The following UTP18 variants were observed in gnomAD, a reference collection of about 807,000 sequenced individuals.
UTP18 encodes the protein UTP18 small subunit processome component.
In UTP18, 36 loss-of-function variants were observed where a neutral mutation model predicts 61.1. The observed-to-expected ratio is 0.59, with a 90% CI of 0.45 to 0.78. The LOEUF (loss-of-function observed/expected upper bound fraction) is 0.78, where lower values mean the gene tolerates loss of function less well. Ranked by LOEUF, UTP18 falls within the 30% of genes least tolerant of loss-of-function variation. The pLI, the probability that UTP18 is intolerant of heterozygous loss-of-function variation, is 0.00. For missense variants in UTP18, 753 were observed against 693.9 expected, an observed-to-expected ratio of 1.09 and a Z score of -0.96; for synonymous variants, 282 against 251.1, an observed-to-expected ratio of 1.12 and a Z score of -1.16.
intron 13 of UTP18, 74 bp from the exon 14 acceptor site, chr17:51,297,708 A>G (rs1395984180): frequency 9.4e-6 from 4 of 427,480 alleles, no homozygotes; most frequent in African/African-American, 4.2e-5. Context: ...TCAAAAGATT[A>G]CATTGCCAGT....
chr17:51,289,163 G>C (rs1006328827), intron 11 of UTP18, among the ~76,000 whole-genome samples: 1 of 151,574 alleles, frequency 6.6e-6, no homozygotes, highest in Non-Finnish European at 1.5e-5. Context: ...ACACTATGCA[G>C]TGGCCACCCT....
intron 9 of UTP18, among the ~76,000 whole-genome samples, chr17:51,282,596 G>C (rs1291967792): frequency 6.6e-6 from 1 of 152,028 alleles, no homozygotes; most frequent in Non-Finnish European, 1.5e-5. Context: ...GGTAGAGAGA[G>C]AGTCGGGGAG....
chr17:51,277,405 A>G, intron 7 of UTP18, 101 bp downstream of exon 7: 1 of 1,327,060 alleles, frequency 7.5e-7, no homozygotes, highest in Non-Finnish European at 1.0e-6. Flanking sequence ...ATTCTTAAAA[A>G]TAAGAGTTTC....
intron 1 of UTP18, among the ~76,000 whole-genome samples, chr17:51,262,843 C>T (rs190442631): frequency 2.0e-5 from 3 of 152,260 alleles, no homozygotes; most frequent in South Asian, 2.1e-4. Context: ...TGAGGCATTG[C>T]GCTCTCTGCT....
intron 11 of UTP18, among the ~76,000 whole-genome samples, chr17:51,289,494 G>A (rs757075412): frequency 1.5e-4 from 22 of 151,356 alleles, no homozygotes; most frequent in Non-Finnish European, 2.5e-4. Context: ...GGAGTGAGCC[G>A]CCGTGCCCAG....
At chr17:51,261,918 A>G (rs1211415403) in intron 1 of UTP18, among the ~76,000 whole-genome samples, 2 of 152,136 alleles carry the variant, frequency 1.3e-5, no homozygotes, top group East Asian at 3.9e-4. Context: ...AACATGCTGA[A>G]CTGTGCGACG....
At chr17:51,292,125 A>G (rs973433647) in intron 11 of UTP18, among the ~76,000 whole-genome samples, 3 of 152,240 alleles carry the variant, frequency 2.0e-5, no homozygotes, top group Non-Finnish European at 4.4e-5. Context: ...TTAAATGTAA[A>G]TAAATTTTGC....
intron 11 of UTP18, among the ~76,000 whole-genome samples, chr17:51,292,022 A>G (rs1288665394): frequency 2.0e-5 from 3 of 152,160 alleles, no homozygotes; most frequent in Admixed American, 2.0e-4. Flanking sequence ...TAGTTGGGGC[A>G]TGCTTGAAGG....
chr17:51,268,878 C>A lies in UTP18; in HGVS notation c.596C>A (p.Thr199Asn). 7 of 1,613,908 alleles carry A rather than the reference C, an allele frequency of 4.3e-6. No homozygotes were observed. The highest frequency in any genetic ancestry group is 5.9e-6 in the Non-Finnish European group (7 of 1,179,888). The change falls in exon 4 of 14, where the codon ACT becomes AAT. Residue 199 changes from threonine (T) to asparagine (N), a missense_variant. By Grantham distance (65) the Thr-to-Asn change is moderately conservative. Transcript: ENST00000225298. ...GGAGGAGTACCTGCCTGGGCAGAGA[C>A]TACTAAGCGGAAAACATCTTCAGAT... ...AMGGVPAWAE[T>N]TKRKTSSDDE... is the part of the protein sequence containing the mutation.
In UTP18 at chr17:51,277,299, T is replaced by C. The variant is rs777400353; in HGVS notation, c.1007T>C (p.Val336Ala). 1.7e-5 allele frequency: 28 copies of C among 1,613,772 alleles called. No homozygotes were observed. The highest frequency in any genetic ancestry group is 2.1e-5 in the Non-Finnish European group (25 of 1,179,892). Residue 336 changes from valine (V) to alanine (A), a missense_variant, in exon 7 of 14, where the codon GTG becomes GCG. Coordinates refer to ENST00000225298, the MANE Select transcript of UTP18 (RefSeq NM_016001.3). ...GGAAAGTTAATTCCTGTGCATCAAG[T>C]GAGAGGTAAGATTTCTGTTGAATGC... Reference protein sequence around the residue: ...LAGKLIPVHQVRGLKEKIVRS... With the variant: ...LAGKLIPVHQARGLKEKIVRS...
At chr17:51,280,340 T>A (rs747065361) in intron 8 of UTP18, 49 bp from the exon 9 acceptor site, 2 of 1,585,048 alleles carry the variant, frequency 1.3e-6, no homozygotes, top group African/African-American at 1.4e-5. Flanking sequence ...ATTGTGTGAT[T>A]CTTCTGTATA....
intron 12 of UTP18, chr17:51,296,418 T>C (rs938857770): frequency 1.4e-4 from 21 of 152,362 alleles, no homozygotes; most frequent in African/African-American, 4.8e-4. Context: ...AATAATGTGG[T>C]TTACAGTTCT....
chr17:51,280,131 T>C, intron 8 of UTP18, 26 bp downstream of exon 8: 1 of 1,596,202 alleles, frequency 6.3e-7, no homozygotes, highest in Non-Finnish European at 8.6e-7. Flanking sequence ...TGCTTCTTGT[T>C]CTTCTCCCAC....
chr17:51,269,020 C>T, intron 4 of UTP18, 116 bp downstream of exon 4: 1 of 1,012,726 alleles, frequency 9.9e-7, no homozygotes, highest in Non-Finnish European at 1.5e-6. Context: ...GGCTCGGTAG[C>T]TCACGCCTGT....
intron 4 of UTP18, among the ~76,000 whole-genome samples, chr17:51,269,172 G>C (rs911410492): frequency 1.3e-5 from 2 of 151,370 alleles, no homozygotes; most frequent in Admixed American, 6.6e-5. Context: ...CTGTAGTCCC[G>C]ACTACTTGGG....
chr17:51,284,232 A>G (rs1386239887), intron 9 of UTP18, among the ~76,000 whole-genome samples: 1 of 152,210 alleles, frequency 6.6e-6, no homozygotes, highest in Non-Finnish European at 1.5e-5. Context: ...AAGAGTACAT[A>G]TGGAAGGGTG....
chr17:51,265,866 G>T (rs2055555716), intron 2 of UTP18, among the ~76,000 whole-genome samples: 1 of 152,130 alleles, frequency 6.6e-6, no homozygotes, highest in African/African-American at 2.4e-5. Flanking sequence ...TGGGCCTAAG[G>T]TTTGCTCTTT....
intron 3 of UTP18, among the ~76,000 whole-genome samples, chr17:51,266,792 G>A (rs2144396348): frequency 6.6e-6 from 1 of 152,246 alleles, no homozygotes; most frequent in Middle Eastern, 3.4e-3. Flanking sequence ...ACAGTTTACG[G>A]CTAGTCCATG....
intron 4 of UTP18, among the ~76,000 whole-genome samples, chr17:51,269,368 T>C (rs527447068): frequency 6.7e-6 from 1 of 149,968 alleles, no homozygotes; most frequent in South Asian, 2.1e-4. Context: ...TAAATTTAAC[T>C]TGTACCATGG....
Sources: gnomAD v4.1 joint callset for allele counts (sites outside exome capture counted in the v4.1 genomes callset) on GRCh38, gnomAD v4.1.1 for gene constraint, MANE v1.5 for transcripts, NCBI Gene and HGNC (gene_info 2026-07-23, HGNC 2026-07-21) for gene names.